GNAQ: variants seen among roughly 807,000 people sequenced by gnomAD.
The protein encoded by GNAQ is guanine nucleotide-binding protein G(q) subunit alpha.
Under a neutral mutation model 43.9 loss-of-function variants are expected in GNAQ, and 8 were observed. That is an observed-to-expected ratio of 0.18 (90% CI 0.11 to 0.33). The LOEUF (loss-of-function observed/expected upper bound fraction) is 0.33, where lower values mean the gene tolerates loss of function less well. GNAQ is among the 10% of genes least tolerant of loss of function. The probability of loss-of-function intolerance (pLI) is 1.00; values close to 1 mark genes in which losing one functional copy is unlikely to be tolerated. For synonymous variants in GNAQ, 155 were observed against 170.7 expected (o/e 0.91, Z 0.71); for missense variants, 158 against 450.8 (o/e 0.35, Z 5.88).
intron 2 of GNAQ, among the ~76,000 whole-genome samples, chr9:77,858,843 TC>T (rs547244479): frequency 8.6e-4 from 131 of 152,110 alleles, no homozygotes; most frequent in Non-Finnish European, 1.6e-3. Flanking sequence ...GTCTCTTCCT[TC>T]CCTAACTCAG....
intron 5 of GNAQ, among the ~76,000 whole-genome samples, chr9:77,759,602 T>C (rs1248675231): frequency 1.3e-5 from 2 of 152,190 alleles, no homozygotes; most frequent in African/African-American, 4.8e-5. Context: ...TGGAACAGTG[T>C]AGAGTTTGGA....
At chr9:77,870,468 G>A (rs934300684) in intron 2 of GNAQ, among the ~76,000 whole-genome samples, 1 of 151,644 alleles carries the variant, frequency 6.6e-6, no homozygotes, top group African/African-American at 2.4e-5. Flanking sequence ...TGGGACTACA[G>A]GCGCCTGCCA....
chr9:78,029,118 G>T lies in GNAQ; in HGVS notation c.136+1982C>A, dbSNP rs548322482. Among the ~76,000 whole-genome samples, 8 of 152,174 alleles carry T rather than the reference G, an allele frequency of 5.3e-5. No individual in the cohort carries two copies. The East Asian group carries it at 1.5e-3, about 29-fold the overall frequency. ...TATGGAATTAAGCATCCATGTAAGT[G>T]TATTTCCCTTAGACATTCAAACCTA... On this transcript the variant is annotated intron_variant, in intron 1 of 6. Coordinates refer to ENST00000286548, the MANE Select transcript of GNAQ (RefSeq NM_002072.5).
chr9:77,819,886 T>C (rs980365681), intron 2 of GNAQ, among the ~76,000 whole-genome samples: 1 of 151,752 alleles, frequency 6.6e-6, no homozygotes, highest in Non-Finnish European at 1.5e-5. Flanking sequence ...GTGTTGTAAT[T>C]CCACTTCCAC....
intron 1 of GNAQ, among the ~76,000 whole-genome samples, chr9:78,028,743 G>A (rs1406748319): frequency 1.3e-5 from 2 of 152,130 alleles, no homozygotes; most frequent in South Asian, 2.1e-4. Context: ...TCAAAGCAGC[G>A]AATCAGGAAT....
rs76401235 is a variant in GNAQ at position 77,854,359 on chromosome 9, T to A, written c.322-38589A>T. On this transcript the variant is annotated intron_variant, in intron 2 of 6. Transcript: ENST00000286548. ...TTAGGAATTATAGGTCACATCAATTTCAAAATCAAAATTCTGAAAATATGT... is the reference window on the plus strand; with the variant it reads ...TTAGGAATTATAGGTCACATCAATTACAAAATCAAAATTCTGAAAATATGT... 1.9e-4 allele frequency among the ~76,000 whole-genome samples: 29 copies of A among 152,350 alleles called. No homozygotes were observed. The East Asian group carries it at 5.6e-3, about 29-fold the overall frequency.
At chr9:77,805,008 C>T (rs1826804011) in intron 3 of GNAQ, among the ~76,000 whole-genome samples, 1 of 151,974 alleles carries the variant, frequency 6.6e-6, no homozygotes, top group African/African-American at 2.4e-5. Flanking sequence ...ATCAGAAACA[C>T]ACAGTTATCG....
chr9:77,913,063 A>C (rs1587405256), intron 2 of GNAQ, among the ~76,000 whole-genome samples: 1 of 152,260 alleles, frequency 6.6e-6, no homozygotes, highest in East Asian at 1.9e-4. Context: ...AGCAACTAGA[A>C]CTCTTACAGC....
intron 2 of GNAQ, among the ~76,000 whole-genome samples, chr9:77,844,866 GT>G (rs5898567): frequency 0.79 from 120,114 of 151,826 alleles, 47,662 homozygotes; most frequent in Admixed American, 0.85. Context: ...TACAGACAGG[GT>G]TTTCACCATG....
At chr9:77,734,360 G>C (rs1201613280) in intron 5 of GNAQ, among the ~76,000 whole-genome samples, 1 of 152,122 alleles carries the variant, frequency 6.6e-6, no homozygotes, top group Non-Finnish European at 1.5e-5. Context: ...TCTCTCCCGG[G>C]TGGTATTTTT....
At chr9:77,826,011 C>T (rs75422083) in intron 2 of GNAQ, among the ~76,000 whole-genome samples, 1 of 152,134 alleles carries the variant, frequency 6.6e-6, no homozygotes, top group Non-Finnish European at 1.5e-5. Flanking sequence ...AAAAAACACA[C>T]CCCAAAAACA....
chr9:77,787,120 C>T (rs1826493883), intron 5 of GNAQ, among the ~76,000 whole-genome samples: 2 of 152,114 alleles, frequency 1.3e-5, no homozygotes, highest in Non-Finnish European at 2.9e-5. Context: ...TTTAAAATAA[C>T]ATACTGTCTA....
intron 1 of GNAQ, among the ~76,000 whole-genome samples, chr9:77,939,215 C>T (rs965345043): frequency 1.3e-5 from 2 of 152,230 alleles, no homozygotes; most frequent in African/African-American, 4.8e-5. Flanking sequence ...TAAATACACA[C>T]ATTTACAGTC....
intron 1 of GNAQ, among the ~76,000 whole-genome samples, chr9:77,948,667 T>C (rs554261615): frequency 3.3e-5 from 5 of 152,194 alleles, no homozygotes; most frequent in Non-Finnish European, 7.4e-5. Context: ...TAGGCCCAAA[T>C]CATGCCATTC....
At chr9:77,725,563 T>TG (rs1825384272) in intron 6 of GNAQ, among the ~76,000 whole-genome samples, 1 of 121,020 alleles carries the variant, frequency 8.3e-6, no homozygotes, top group Non-Finnish European at 1.6e-5. Context: ...ATATGTATAC[T>TG]GGGGTAAGGT....
At chr9:78,026,545 T>G (rs1044946251) in intron 1 of GNAQ, among the ~76,000 whole-genome samples, 7 of 152,112 alleles carry the variant, frequency 4.6e-5, no homozygotes, top group Non-Finnish European at 8.8e-5. Context: ...AAACACCATA[T>G]TTTGCTATTT....
rs562504158 is a variant in GNAQ, at chr9:77,791,556, A to G, written c.735+2907T>C. Reference sequence around the variant, plus strand: ...TGGGTATTCTAGCCACTATTTGATAATGTATTTCCTTCTTTGAAGGAAAAA... The same window carrying G: ...TGGGTATTCTAGCCACTATTTGATAGTGTATTTCCTTCTTTGAAGGAAAAA... On this transcript the variant is annotated intron_variant, in intron 5 of 6. Coordinates refer to ENST00000286548, the MANE Select transcript of GNAQ (RefSeq NM_002072.5). Among the ~76,000 whole-genome samples the G allele has an allele frequency of 3.9e-5, 6 of 152,334 alleles. No homozygotes were observed. The South Asian group carries it at 1.0e-3, about 26-fold the overall frequency.
At chr9:77,951,825 T>C (rs539664346) in intron 1 of GNAQ, among the ~76,000 whole-genome samples, 4 of 152,168 alleles carry the variant, frequency 2.6e-5, no homozygotes, top group Non-Finnish European at 5.9e-5. Context: ...ATCTCAAAGC[T>C]CACATTTCAA....
At chr9:78,008,030 C>T (rs1329891593) in intron 1 of GNAQ, among the ~76,000 whole-genome samples, 1 of 152,076 alleles carries the variant, frequency 6.6e-6, no homozygotes, top group Non-Finnish European at 1.5e-5. Flanking sequence ...CTATAATCAT[C>T]GAGGCTAGAA....
Sources: gnomAD v4.1 joint callset for allele counts (sites outside exome capture counted in the v4.1 genomes callset) on GRCh38, gnomAD v4.1.1 for gene constraint, MANE v1.5 for transcripts, NCBI Gene and HGNC (gene_info 2026-07-23, HGNC 2026-07-21) for gene names.